CCDC136: variants seen among roughly 807,000 people sequenced by gnomAD.
CCDC136 encodes coiled-coil domain containing 136.
A neutral mutation model predicts 141.2 loss-of-function variants in CCDC136; 100 were observed. The ratio of observed to expected loss-of-function variants is 0.71; its 90% confidence interval spans 0.60 to 0.84. The LOEUF is 0.84. Ranked by LOEUF, CCDC136 falls within the 40% of genes least tolerant of loss-of-function variation. The pLI, the probability that CCDC136 is intolerant of heterozygous loss-of-function variation, is 0.00. For missense variants in CCDC136, 1,206 were observed against 1,379.4 expected, an observed-to-expected ratio of 0.87 and a Z score of 1.99; for synonymous variants, 474 against 531.9, an observed-to-expected ratio of 0.89 and a Z score of 1.50.
chr7:128,799,818 T>G (rs757975036), intron 3 of CCDC136, among the ~76,000 whole-genome samples: 2 of 152,216 alleles, frequency 1.3e-5, no homozygotes, highest in Non-Finnish European at 2.9e-5. Flanking sequence ...CCTCAAATCC[T>G]AAATTCACTG....
chr7:128,812,637 A>C, intron 13 of CCDC136, 71 bp from the exon 14 acceptor site: 83 of 1,122,442 alleles, frequency 7.4e-5, no homozygotes, highest in Non-Finnish European at 1.0e-4. Flanking sequence ...TATCCAGGGA[A>C]GGGCCCAGCA....
At chr7:128,796,414 C>T (rs932987277) in intron 3 of CCDC136, among the ~76,000 whole-genome samples, 4 of 151,760 alleles carry the variant, frequency 2.6e-5, no homozygotes, top group Non-Finnish European at 4.4e-5. Context: ...GCAAAGTGCA[C>T]GTGGAGGACC....
At position 128,815,847 on chromosome 7, in the gene CCDC136, C is replaced by G. The variant is rs747665442; in HGVS notation, c.3279C>G (p.Asp1093Glu). The change falls in exon 16 of 18, where the codon GAC (aspartate) becomes GAG (glutamate). Residue 1093 changes from aspartate (D) to glutamate (E), a missense_variant. By Grantham distance (45) the Asp-to-Glu change is conservative. Coordinates refer to ENST00000297788, the MANE Select transcript of CCDC136 (RefSeq NM_022742.5). The part of the protein sequence containing the change: ...EDKEEEEKEE[D>E]SEEEEDDADS... ...AAGAGGAAGAGGAGAAGGAAGAAGA[C>G]AGTGAAGAGGAGGAGGATGACGCCG... The G allele has an allele frequency of 3.7e-6, 6 of 1,613,320 alleles. No individual in the cohort carries two copies. Among genetic ancestry groups the G allele is most frequent in the African/African-American group, 1.3e-5 (1 of 74,848 alleles).
At chr7:128,819,864 A>G (rs1393320938) in intron 17 of CCDC136, among the ~76,000 whole-genome samples, 6 of 152,182 alleles carry the variant, frequency 3.9e-5, no homozygotes, top group Admixed American at 3.9e-4. Flanking sequence ...GCAACCTCAG[A>G]TCACATTAGC....
Position 128,809,568 on chromosome 7 carries a change from AG to A in CCDC136, c.1726del (p.Glu576ArgfsTer33). 1 of 1,567,456 alleles carries A rather than the reference AG, an allele frequency of 6.4e-7. No homozygotes were observed. The highest frequency in any genetic ancestry group is 8.6e-7 in the Non-Finnish European group (1 of 1,156,696). ...CTCCTGGAGGATCAGAGGAGGATGC[AG>A]GAGGAGCAGGGCCAGCTGCAGGAAG... ...CELLEDQRRM[Q>X]EEQGQLQEEL... On this transcript the variant is annotated frameshift_variant, in exon 11 of 18. Coordinates refer to ENST00000297788, the MANE Select transcript of CCDC136 (RefSeq NM_022742.5). LOFTEE classifies it high-confidence loss of function.
At chr7:128,791,946 C>T, upstream of CCDC136, 1 of 885,310 alleles carries the variant, frequency 1.1e-6, no homozygotes, top group Non-Finnish European at 1.5e-6. This position sits in a 1 kb window ranked among gnomAD's most constrained non-coding sequence, Gnocchi z 7.1. Context: ...CCCCTTCCCG[C>T]ACGCCCCCCA....
At position 128,808,415 on chromosome 7, in the gene CCDC136, C is replaced by T. The variant is rs370584033; in HGVS notation, c.1605+870C>T. On this transcript the variant is annotated intron_variant, in intron 10 of 17. Transcript: ENST00000297788. Reference sequence around the variant, plus strand: ...CTACTCTTAACTCACTTCCTTTTAGCAGTAAATCCTGGTAGTGATAAATAA... The same window carrying T: ...CTACTCTTAACTCACTTCCTTTTAGTAGTAAATCCTGGTAGTGATAAATAA... The T allele has an allele frequency of 6.7e-4, 585 of 875,766 alleles. 8 individuals carry two copies. The South Asian group carries it at 0.022, about 32-fold the overall frequency. 54.2% of individuals were successfully genotyped at this position (875,766 alleles called of 1,614,324 possible).
intron 7 of CCDC136, 107 bp from the exon 8 acceptor site, chr7:128,806,130 T>C (rs1374816020): frequency 1.8e-6 from 2 of 1,097,958 alleles, no homozygotes; most frequent in Non-Finnish European, 2.6e-6. Flanking sequence ...CCTAGACCTG[T>C]GGGAGCTCCT....
chr7:128,803,301 C>T (rs1162171274), intron 4 of CCDC136, among the ~76,000 whole-genome samples: 1 of 152,142 alleles, frequency 6.6e-6, no homozygotes, highest in Non-Finnish European at 1.5e-5. Context: ...CCACTGCACC[C>T]GGCCAACATA....
chr7:128,806,253 C>T lies in CCDC136; in HGVS notation c.1106C>T (p.Ser369Phe), dbSNP rs1804816645. The T allele has an allele frequency of 1.3e-6, 2 of 1,569,312 alleles. No homozygotes were observed. Among genetic ancestry groups the T allele is most frequent in the South Asian group, 2.4e-5 (2 of 84,984 alleles). Reference protein sequence around the residue: ...HSVTQNEELKSRLCTLQKKYD... With the variant: ...HSVTQNEELKFRLCTLQKKYD... Reference sequence around the variant, plus strand: ...CTACCACAGAATGAGGAGCTGAAGTCCAGACTCTGTACCCTGCAGAAAAAA... The same window carrying T: ...CTACCACAGAATGAGGAGCTGAAGTTCAGACTCTGTACCCTGCAGAAAAAA... Residue 369 changes from serine (S) to phenylalanine (F), a missense_variant, in exon 8 of 18, where the codon TCC becomes TTC. Physicochemically the swap from Ser to Phe is radical, Grantham distance 155 (BLOSUM62 -2). Transcript: ENST00000297788.
intron 4 of CCDC136, 24 bp downstream of exon 4, chr7:128,801,533 A>G: frequency 2.0e-6 from 3 of 1,497,276 alleles, no homozygotes; most frequent in Non-Finnish European, 2.8e-6. Context: ...CAAGTGGGTC[A>G]GTAAAGTCAA....
chr7:128,794,653 C>T lies in CCDC136; in HGVS notation c.272-41C>T, dbSNP rs1802680493. On this transcript the variant is annotated intron_variant, in intron 2 of 17. Transcript: ENST00000297788. The surrounding 1 kb of genome is among the most constrained non-coding windows in gnomAD (Gnocchi z 4.3). The stretch of plus-strand genomic sequence containing the variant: ...GCCCGGGCCCAGAGGCTCTGCACTC[C>T]CCTGGATCCGAGCTTGACACTGGTG... 6.5e-7 allele frequency: 1 copy of T among 1,542,086 alleles called. No homozygotes were observed. The highest frequency in any genetic ancestry group is 8.8e-7 in the Non-Finnish European group (1 of 1,142,058).
chr7:128,815,542 T>G, intron 15 of CCDC136, 72 bp from the exon 16 acceptor site: 3 of 1,453,030 alleles, frequency 2.1e-6, no homozygotes, highest in Non-Finnish European at 2.8e-6. Context: ...CTGGAGCTAG[T>G]ACAGCATTGT....
chr7:128,797,317 G>A (rs1159838047), intron 3 of CCDC136, among the ~76,000 whole-genome samples: 1 of 152,196 alleles, frequency 6.6e-6, no homozygotes, highest in Admixed American at 6.5e-5. Flanking sequence ...AACAGGGCCG[G>A]AGATGTAAAT....
chr7:128,790,976 G>A (rs1802103592), upstream of CCDC136: 1 of 152,706 alleles, frequency 6.5e-6, no homozygotes, highest in Non-Finnish European at 1.5e-5. This position sits in a 1 kb window ranked among gnomAD's most constrained non-coding sequence, Gnocchi z 5.4. Context: ...CGGACTGCTA[G>A]GTGGGGGCGC....
intron 15 of CCDC136, among the ~76,000 whole-genome samples, 159 bp from the exon 16 acceptor site, chr7:128,815,455 A>T (rs1288452540): frequency 6.6e-6 from 1 of 152,176 alleles, no homozygotes. Context: ...CCCTCTACAT[A>T]TGCTCAGGGG....
rs1804642039 is a variant in CCDC136 at position 128,805,193 on chromosome 7, G to T, written c.783-166G>T. On this transcript the variant is annotated intron_variant, in intron 5 of 17. Transcript: ENST00000297788. The surrounding 1 kb of genome is among the most constrained non-coding windows in gnomAD (Gnocchi z 4.6). Reference sequence around the variant, plus strand: ...ACACACCTTTGCAGATTGAGGGGCTGGAGACTTTCTGTAGTCTTTTAAGCA... The same window carrying T: ...ACACACCTTTGCAGATTGAGGGGCTTGAGACTTTCTGTAGTCTTTTAAGCA... 6.6e-6 allele frequency among the ~76,000 whole-genome samples: 1 copy of T among 152,062 alleles called. No homozygotes were observed. Among genetic ancestry groups the T allele is most frequent in the Non-Finnish European group, 1.5e-5 (1 of 68,046 alleles).
intron 1 of CCDC136, among the ~76,000 whole-genome samples, chr7:128,793,974 C>T (rs971843849): frequency 3.3e-5 from 5 of 152,178 alleles, no homozygotes; most frequent in African/African-American, 7.2e-5. Context: ...CCCATTTGAC[C>T]GAAAGATCCG....
rs1804898967 is a variant in CCDC136, at chr7:128,806,717, C to T, written c.1278C>T (p.His426=). The change falls in exon 9 of 18, where the codon CAC becomes CAT. Residue 426 remains histidine (H), a synonymous_variant. Transcript: ENST00000297788. ...TACTGTGCCGGCTGCAGAAGCTGCACCTCCAGCACCAGAACGTCACATGTG... is the reference window on the plus strand; with the variant it reads ...TACTGTGCCGGCTGCAGAAGCTGCATCTCCAGCACCAGAACGTCACATGTG... ...KELLCRLQKL[H]LQHQNVTCEK... is the part of the protein sequence containing the mutation. 2 of 1,611,018 alleles carry T rather than the reference C, an allele frequency of 1.2e-6. No individual in the cohort carries two copies. Among genetic ancestry groups the T allele is most frequent in the Non-Finnish European group, 1.7e-6 (2 of 1,179,350 alleles).
Sources: allele counts gnomAD v4.1 joint callset (sites outside exome capture counted in the v4.1 genomes callset), GRCh38; gene constraint gnomAD v4.1.1; non-coding constraint Gnocchi (gnomAD v3.1); transcripts MANE v1.5; gene names NCBI Gene and HGNC (gene_info 2026-07-23, HGNC 2026-07-21).